Variants in SLC2A3 observed in about 807,000 individuals in gnomAD.
SLC2A3 encodes solute carrier family 2 member 3.
A neutral mutation model predicts 46.4 loss-of-function variants in SLC2A3; 21 were observed. The observed-to-expected ratio is 0.45, with a 90% CI of 0.32 to 0.65. The LOEUF is 0.65. Among genes scored for constraint, SLC2A3 ranks in the 30% least tolerant of loss-of-function variants. SLC2A3 has a pLI of 0.04. For missense variants in SLC2A3, 499 were observed against 623.3 expected (o/e 0.80, Z 2.12); for synonymous variants, 213 against 239.4 (o/e 0.89, Z 1.02).
At position 7,922,900 on chromosome 12, in the gene SLC2A3, C is replaced by T. The variant is rs778402745; in HGVS notation, c.1193G>A (p.Arg398His). 9 of 1,614,068 alleles carry T rather than the reference C, an allele frequency of 5.6e-6. No homozygotes were observed. The highest frequency in any genetic ancestry group is 2.2e-5 in the East Asian group (1 of 44,886). Residue 398 changes from arginine to histidine, a missense_variant, in exon 9 of 10, where the codon CGC becomes CAC. Physicochemically the swap from Arg to His is conservative, Grantham distance 29. Transcript: ENST00000075120. The part of the protein sequence containing the change: ...IVAELFSQGP[R>H]PAAMAVAGCS... ...GCCGGCCACTGCCATCGCAGCTGGG[C>T]GGGGGCCCTGGCTGAAGAGTTCGGC...
In SLC2A3 at chr12:7,930,680, C is replaced by T. The variant is rs780047022; in HGVS notation, c.511-38G>A. On this transcript the variant is annotated intron_variant, in intron 4 of 9. Coordinates refer to ENST00000075120, the MANE Select transcript of SLC2A3 (RefSeq NM_006931.3). ...CAAAGATAATGCTATAAACCCCATA[C>T]TTCACAGGCCACAAGTTCATTAAAA... The T allele has an allele frequency of 5.2e-5, 82 of 1,574,032 alleles. 2 individuals are homozygous for T. In the South Asian group the frequency reaches 9.1e-4, roughly 17 times the overall value.
At position 7,929,382 on chromosome 12, in the gene SLC2A3, T is replaced by C; in HGVS notation, c.861+302A>G. 8.6e-6 allele frequency: 3 copies of C among 349,656 alleles called. No individual in the cohort carries two copies. In the South Asian group the frequency reaches 1.6e-4, roughly 19 times the overall value. The allele number at this position is 349,656 out of a possible 1,614,324, so 21.7% of individuals were successfully genotyped here. A position where few individuals can be genotyped will look rare whatever the true frequency, so the allele number is the denominator to read the frequency against. On this transcript the variant is annotated intron_variant, in intron 6 of 9. Coordinates refer to ENST00000075120, the MANE Select transcript of SLC2A3 (RefSeq NM_006931.3). ...TCATGCCCTCTTTAAACTACCATGC[T>C]CGCTATACTAGTTGTAAAAACAGAC...
intron 4 of SLC2A3, among the ~76,000 whole-genome samples, chr12:7,930,886 T>C (rs915883527): frequency 1.4e-5 from 2 of 139,656 alleles, no homozygotes; most frequent in South Asian, 5.1e-4. Context: ...AAACTCTGCC[T>C]ACCGGGTTCA....
chr12:7,924,009 C>A (rs1946068519), intron 8 of SLC2A3, among the ~76,000 whole-genome samples: 1 of 151,972 alleles, frequency 6.6e-6, no homozygotes, highest in Admixed American at 6.6e-5. Flanking sequence ...ATCAGGTGAT[C>A]CGCCTGCCTC....
intron 5 of SLC2A3, 189 bp downstream of exon 5, chr12:7,930,291 C>T: frequency 3.2e-6 from 2 of 618,544 alleles, no homozygotes; most frequent in African/African-American, 1.8e-5. Flanking sequence ...TGATAGCATC[C>T]ATTCCTAAAC....
At chr12:7,923,831 C>A (rs1293628626) in intron 8 of SLC2A3, among the ~76,000 whole-genome samples, 1 of 149,570 alleles carries the variant, frequency 6.7e-6, no homozygotes, top group African/African-American at 2.5e-5. Context: ...TGCAATGGCA[C>A]CATCTCAACT....
rs1194189250 is a variant in SLC2A3, at chr12:7,919,241, C to G, written c.*2172G>C. 6.6e-6 allele frequency: 1 copy of G among 152,406 alleles called. No individual in the cohort carries two copies. The highest frequency in any genetic ancestry group is 2.4e-5 in the African/African-American group (1 of 41,406). The allele number at this position is 152,406 out of a possible 1,614,324, so 9.4% of individuals were successfully genotyped here. Reference sequence around the variant, plus strand: ...ATAAGCCCATAATGTCGTGTACATTCAGAATTTTTATTTTAAAACAAAGAA... The same window carrying G: ...ATAAGCCCATAATGTCGTGTACATTGAGAATTTTTATTTTAAAACAAAGAA... On this transcript the variant is annotated 3_prime_UTR_variant, in exon 10 of 10. Coordinates refer to ENST00000075120, the MANE Select transcript of SLC2A3 (RefSeq NM_006931.3).
At chr12:7,935,261 T>C (rs1259133780) in intron 1 of SLC2A3, among the ~76,000 whole-genome samples, 3 of 152,114 alleles carry the variant, frequency 2.0e-5, no homozygotes, top group Admixed American at 2.0e-4. Flanking sequence ...GAGACCAGCC[T>C]GACCAACATA....
intron 7 of SLC2A3, chr12:7,925,379 C>T: frequency 6.5e-6 from 1 of 154,264 alleles, no homozygotes; most frequent in South Asian, 2.0e-4. Context: ...GTCTTGGGAA[C>T]TGGGCCACCA....
chr12:7,932,936 C>T, intron 3 of SLC2A3, 51 bp downstream of exon 3: 3 of 1,606,946 alleles, frequency 1.9e-6, no homozygotes, highest in Middle Eastern at 1.9e-4. Context: ...CCACACTTGT[C>T]CTCAATGTGG....
chr12:7,932,777 A>C (rs1460383650), intron 3 of SLC2A3: 7 of 610,654 alleles, frequency 1.1e-5, no homozygotes, highest in Non-Finnish European at 1.9e-5. Context: ...CTCACAGTTC[A>C]TCTCTTGCAC....
In SLC2A3 at chr12:7,930,730, A is replaced by C. The variant is rs117350749; in HGVS notation, c.511-88T>G. 12 of 1,346,642 alleles carry C rather than the reference A, an allele frequency of 8.9e-6. No individual in the cohort carries two copies. The East Asian group carries it at 2.9e-4, about 33-fold the overall frequency. 83.4% of individuals were successfully genotyped at this position (1,346,642 alleles called of 1,614,324 possible). On this transcript the variant is annotated intron_variant, in intron 4 of 9. Transcript: ENST00000075120. ...ACACAAAAAGTTCAGAAAATCATAC[A>C]TTCTTTTACCATGTGAAAAAATAAA...
intron 6 of SLC2A3, among the ~76,000 whole-genome samples, chr12:7,928,566 T>A (rs892037730): frequency 2.0e-5 from 3 of 151,956 alleles, no homozygotes; most frequent in Admixed American, 1.3e-4. Context: ...CATTCTTTCA[T>A]TCTTTCTTTT....
chr12:7,933,076 C>T lies in SLC2A3; in HGVS notation c.180G>A (p.Thr60=), dbSNP rs780720343. The T allele has an allele frequency of 5.1e-5, 82 of 1,613,984 alleles. No individual in the cohort carries two copies. Among genetic ancestry groups the T allele is most frequent in the South Asian group, 9.9e-5 (9 of 91,086 alleles). The change falls in exon 3 of 10, where the codon ACG becomes ACA. Residue 60 remains threonine, a synonymous_variant. Coordinates refer to ENST00000075120, the MANE Select transcript of SLC2A3 (RefSeq NM_006931.3). ...TGGCCACAGACAAGGACCAGAGAGA[C>T]GTGAGCAGCACCTCAGAGGGTGGGG... The part of the protein sequence containing the change: ...GNAPPSEVLL[T]SLWSLSVAIF...
At chr12:7,927,019 CCA>C (rs1445634804) in intron 6 of SLC2A3, among the ~76,000 whole-genome samples, 1 of 152,100 alleles carries the variant, frequency 6.6e-6, no homozygotes, top group East Asian at 1.9e-4. Flanking sequence ...TTTATTTCAC[CCA>C]GAGTATTTGC....
intron 3 of SLC2A3, among the ~76,000 whole-genome samples, 190 bp from the exon 4 acceptor site, chr12:7,931,675 G>T (rs1946157662): frequency 1.3e-5 from 2 of 151,570 alleles, no homozygotes; most frequent in South Asian, 4.2e-4. Context: ...CCCGCCTGTA[G>T]TCCCAGGCAC....
At chr12:7,935,011 T>C (rs1946197867) in intron 1 of SLC2A3, among the ~76,000 whole-genome samples, 1 of 152,178 alleles carries the variant, frequency 6.6e-6, no homozygotes, top group African/African-American at 2.4e-5. Flanking sequence ...TTCTGCTTTG[T>C]AGAGATGGGA....
chr12:7,923,784 TTGA>T (rs1946065392), intron 8 of SLC2A3, among the ~76,000 whole-genome samples: 1 of 149,796 alleles, frequency 6.7e-6, no homozygotes, highest in Admixed American at 6.7e-5. Context: ...TTTTTTTTTT[TTGA>T]GAGAGAGTTT....
intron 6 of SLC2A3, 125 bp downstream of exon 6, chr12:7,929,558 GA>G: frequency 7.2e-7 from 1 of 1,395,020 alleles, no homozygotes; most frequent in Non-Finnish European, 9.6e-7. Flanking sequence ...TGAAACTCCT[GA>G]GCTCAAGTGA....
Sources: gnomAD v4.1 joint callset for allele counts (sites outside exome capture counted in the v4.1 genomes callset) on GRCh38, gnomAD v4.1.1 for gene constraint, MANE v1.5 for transcripts, NCBI Gene and HGNC (gene_info 2026-07-23, HGNC 2026-07-21) for gene names.